SRP68: variants seen among roughly 807,000 people sequenced by gnomAD.
The protein encoded by SRP68 is signal recognition particle subunit SRP68.
SRP68 carries 15 observed loss-of-function variants against 82.2 expected under a neutral mutation model. The ratio of observed to expected loss-of-function variants is 0.18; its 90% CI spans 0.12 to 0.28. The LOEUF (loss-of-function observed/expected upper bound fraction) is 0.28, where lower values mean the gene tolerates loss of function less well. Among genes scored for constraint, SRP68 ranks in the 10% least tolerant of loss-of-function variants. SRP68 has a pLI of 1.00. For missense variants in SRP68, 595 were observed against 780.5 expected, an observed-to-expected ratio of 0.76 and a Z score of 2.83; for synonymous variants, 261 against 292.6, an observed-to-expected ratio of 0.89 and a Z score of 1.10.
At position 76,050,390 on chromosome 17, in the gene SRP68, G is replaced by A. The variant is rs201391608; in HGVS notation, c.1077+38C>T. ...AGGGGACACAGGCTGACCTGGACCC[G>A]CCCAGAGCAAGAACCAGGGCTCGGC... On this transcript the variant is annotated intron_variant, in intron 9 of 15. Transcript: ENST00000307877. 2.2e-4 allele frequency: 323 copies of A among 1,484,436 alleles called. 1 individual carries two copies. The highest frequency in any genetic ancestry group is 1.5e-3 in the Middle Eastern group (8 of 5,476). 92.0% of individuals were successfully genotyped at this position (1,484,436 alleles called of 1,614,324 possible). A position where few individuals can be genotyped will look rare whatever the true frequency, so the allele number is the denominator to read the frequency against.
rs2066858776 is a variant in SRP68, at chr17:76,072,248, C to A, written c.184+60G>T. 1 of 1,601,608 alleles carries A rather than the reference C, an allele frequency of 6.2e-7. No homozygotes were observed. The highest frequency in any genetic ancestry group is 1.1e-5 in the South Asian group (1 of 89,386). On this transcript the variant is annotated intron_variant, in intron 1 of 15. Transcript: ENST00000307877. The surrounding 1 kb of genome is among the most constrained non-coding windows in gnomAD (Gnocchi z 4.5). ...TGTCGGGACCCGCCGCCTCTCCCGC[C>A]CCCAGCCCTCCAGTTCGACACGTAA... is the stretch of plus-strand genomic sequence containing the variant.
chr17:76,050,471 C>G lies in SRP68; in HGVS notation c.1034G>C (p.Arg345Pro). Residue 345 changes from arginine (R) to proline (P), a missense_variant, in exon 9 of 16, where the codon CGG becomes CCG. Arg to Pro is a moderately radical substitution (Grantham distance 103). This residue lies in a region of SRP68 where 495 missense variants were observed against 688.6 expected (regional missense o/e 0.72). Coordinates refer to ENST00000307877, the MANE Select transcript of SRP68 (RefSeq NM_014230.4). The part of the protein sequence containing the change: ...RLFESMLSEC[R>P]DAIQVVREEL... The stretch of plus-strand genomic sequence containing the variant: ...CTCCCGAACCACCTGGATGGCGTCC[C>G]GACACTCGCTGAGCATTGATTCAAA... 6.2e-7 allele frequency: 1 copy of G among 1,613,754 alleles called. No homozygotes were observed. Among genetic ancestry groups the G allele is most frequent in the Non-Finnish European group, 8.5e-7 (1 of 1,179,908 alleles).
chr17:76,060,921 C>T (rs73996103), intron 6 of SRP68, among the ~76,000 whole-genome samples, 189 bp downstream of exon 6: 13,965 of 152,204 alleles, frequency 0.092, 2,070 homozygotes, highest in African/African-American at 0.31. Flanking sequence ...GAAGCAGAAC[C>T]GTCTTCTATA....
In SRP68 at chr17:76,061,584, G is replaced by T. The variant is rs2066752499; in HGVS notation, c.562-10C>A. ...GGTAAGCTGTGTAAGCCTGTGAGGA[G>T]ATGGAAGAGGAGGAACTGCTTCAAC... On this transcript the variant is annotated splice_polypyrimidine_tract_variant and intron_variant, in intron 4 of 15. Transcript: ENST00000307877. 6.2e-7 allele frequency: 1 copy of T among 1,610,882 alleles called. No individual in the cohort carries two copies. Among genetic ancestry groups the T allele is most frequent in the Middle Eastern group, 1.7e-4 (1 of 6,022 alleles).
At chr17:76,039,964 C>T in intron 15 of SRP68, 31 bp from the exon 16 acceptor site, 1 of 1,605,118 alleles carries the variant, frequency 6.2e-7, no homozygotes. Context: ...ACGTATGTAG[C>T]ATCGGTCACA....
intron 15 of SRP68, 118 bp from the exon 16 acceptor site, chr17:76,040,051 C>A: frequency 1.0e-6 from 1 of 969,214 alleles, no homozygotes; most frequent in Non-Finnish European, 1.6e-6. Flanking sequence ...CTCAATCACT[C>A]AATCCCGACA....
At chr17:76,055,876 C>T (rs1050165235) in intron 8 of SRP68, among the ~76,000 whole-genome samples, 1 of 122,236 alleles carries the variant, frequency 8.2e-6, no homozygotes, top group African/African-American at 3.2e-5. Context: ...GGTGTGATTT[C>T]AGCTCACTGC....
At chr17:76,062,587 A>ATAT (rs1567934801) in intron 4 of SRP68, among the ~76,000 whole-genome samples, 11 of 31,204 alleles carry the variant, frequency 3.5e-4, no homozygotes, top group African/African-American at 2.4e-3. Flanking sequence ...ACATTATATA[A>ATAT]TATATAATAT....
chr17:76,052,573 G>C (rs1269539478), intron 8 of SRP68, among the ~76,000 whole-genome samples: 2 of 150,254 alleles, frequency 1.3e-5, no homozygotes, highest in Admixed American at 6.6e-5. Context: ...GGGAGGCTGA[G>C]GCGGGCGGAT....
At chr17:76,043,608 A>C (rs1460557595) in intron 13 of SRP68, 3 of 324,222 alleles carry the variant, frequency 9.3e-6, no homozygotes, top group African/African-American at 2.2e-5. Flanking sequence ...AAATCAGAAA[A>C]ATGCCTTCCC....
intron 10 of SRP68, among the ~76,000 whole-genome samples, chr17:76,047,533 C>T (rs1466673586): frequency 6.6e-6 from 1 of 152,114 alleles, no homozygotes; most frequent in Non-Finnish European, 1.5e-5. Context: ...CCTATAATCC[C>T]CGCACTGTGG....
chr17:76,055,527 G>A lies in SRP68; in HGVS notation c.978+1876C>T, dbSNP rs551442168. ...TTCCAGCACTTTGGGAGGCTGAGGC[G>A]GGTGGATCACGAGGGCAGGAGTTTG... On this transcript the variant is annotated intron_variant, in intron 8 of 15. Coordinates refer to ENST00000307877, the MANE Select transcript of SRP68 (RefSeq NM_014230.4). Among the ~76,000 whole-genome samples the A allele has an allele frequency of 6.4e-3, 971 of 151,866 alleles. 5 individuals are homozygous for A. The highest frequency in any genetic ancestry group is 9.7e-3 in the Non-Finnish European group (662 of 67,940).
rs528854862 is a variant in SRP68 at position 76,046,857 on chromosome 17, T to A, written c.1143-663A>T. 4.0e-4 allele frequency among the ~76,000 whole-genome samples: 61 copies of A among 151,978 alleles called. No homozygotes were observed. In the Middle Eastern group the frequency reaches 0.01, roughly 26 times the overall value. Reference sequence around the variant, plus strand: ...TTGGGAGGCTGAGGTAGGAAAATGGTGTGAACCTGGGAGGCGGAGCTTGCA... The same window carrying A: ...TTGGGAGGCTGAGGTAGGAAAATGGAGTGAACCTGGGAGGCGGAGCTTGCA... On this transcript the variant is annotated intron_variant, in intron 10 of 15. Transcript: ENST00000307877.
intron 8 of SRP68, among the ~76,000 whole-genome samples, chr17:76,055,428 A>C (rs2066706155): frequency 6.6e-6 from 1 of 150,930 alleles, no homozygotes; most frequent in Non-Finnish European, 1.5e-5. Flanking sequence ...TTTATCTCTC[A>C]CTCCCTCCCA....
chr17:76,049,931 G>C (rs1028413563), intron 9 of SRP68, among the ~76,000 whole-genome samples: 1 of 152,196 alleles, frequency 6.6e-6, no homozygotes, highest in African/African-American at 2.4e-5. Context: ...GAAGGGAACC[G>C]AGACCAAGCC....
intron 11 of SRP68, 119 bp from the exon 12 acceptor site, chr17:76,045,505 A>C (rs541655561): frequency 1.4e-5 from 10 of 702,244 alleles, no homozygotes; most frequent in Non-Finnish European, 2.4e-5. Flanking sequence ...GGTCAATACG[A>C]TGGGGAAAAG....
At chr17:76,057,292 T>C (rs2066719685) in intron 8 of SRP68, 111 bp downstream of exon 8, 1 of 1,348,622 alleles carries the variant, frequency 7.4e-7, no homozygotes, top group Non-Finnish European at 1.0e-6. Flanking sequence ...CAAAACAGCA[T>C]TAAAAGTTTG....
chr17:76,053,529 C>T, intron 8 of SRP68: 1 of 985,458 alleles, frequency 1.0e-6, no homozygotes, highest in Non-Finnish European at 1.2e-6. Flanking sequence ...CGTATCACCT[C>T]TGCTCCCTTT....
chr17:76,070,539 A>T, intron 1 of SRP68, 95 bp from the exon 2 acceptor site: 1 of 1,082,708 alleles, frequency 9.2e-7, no homozygotes, highest in Non-Finnish European at 1.4e-6. Flanking sequence ...ACCACAACAC[A>T]TTAAACATTT....
Sources: allele counts gnomAD v4.1 joint callset (sites outside exome capture counted in the v4.1 genomes callset), GRCh38; gene constraint gnomAD v4.1.1; regional missense constraint gnomAD v4.1.1; non-coding constraint Gnocchi (gnomAD v3.1); transcripts MANE v1.5; gene names NCBI Gene and HGNC (gene_info 2026-07-23, HGNC 2026-07-21).